NBAS: variants seen among roughly 807,000 people sequenced by gnomAD.
The protein encoded by NBAS is NAG/BC035112 fusion.
In NBAS, 219 loss-of-function variants were observed where a neutral mutation model predicts 302.5. The ratio of observed to expected loss-of-function variants is 0.72; its 90% confidence interval spans 0.65 to 0.81. The LOEUF (loss-of-function observed/expected upper bound fraction) is 0.81, where lower values mean the gene tolerates loss of function less well. Among genes scored for constraint, NBAS ranks in the 30% least tolerant of loss-of-function variants. The pLI is 0.00. For missense variants in NBAS, 2,932 were observed against 2,841.6 expected, an observed-to-expected ratio of 1.03 and a Z score of -0.72; for synonymous variants, 1,118 against 1,021.6, an observed-to-expected ratio of 1.09 and a Z score of -1.80.
At chr2:15,330,539 T>C (rs1672280577) in intron 36 of NBAS, 59 bp downstream of exon 36, 2 of 1,601,124 alleles carry the variant, frequency 1.2e-6, no homozygotes, top group African/African-American at 1.3e-5. Flanking sequence ...ACTGAAACAT[T>C]GCTAATGAAT....
chr2:14,786,497 G>T, the NBAS span, among the ~76,000 whole-genome samples: 1 of 152,026 alleles, frequency 6.6e-6, no homozygotes, highest in Non-Finnish European at 1.5e-5. Flanking sequence ...CTTTGAATGT[G>T]TCCCAGAGAT....
the NBAS span, among the ~76,000 whole-genome samples, chr2:14,921,777 T>C: frequency 5.9e-5 from 9 of 152,160 alleles, no homozygotes; most frequent in African/African-American, 2.2e-4. Context: ...CCAAGCATCA[T>C]AGTTGGCTGA....
the NBAS span, among the ~76,000 whole-genome samples, chr2:14,874,744 A>G: frequency 8.9e-5 from 13 of 146,184 alleles, no homozygotes; most frequent in South Asian, 2.5e-3. Flanking sequence ...GCATAGATGT[A>G]AAAATTCTTA....
chr2:15,338,710 C>CACA (rs1454097551), intron 35 of NBAS, among the ~76,000 whole-genome samples: 1 of 148,746 alleles, frequency 6.7e-6, no homozygotes, highest in African/African-American at 2.5e-5. Flanking sequence ...CACACACACA[C>CACA]ATCAAATTAG....
At chr2:15,151,040 T>A in the NBAS span, among the ~76,000 whole-genome samples, 1 of 152,240 alleles carries the variant, frequency 6.6e-6, no homozygotes, top group Non-Finnish European at 1.5e-5. Context: ...CTTGTCAATA[T>A]CCTCCAATCA....
the NBAS span, among the ~76,000 whole-genome samples, chr2:15,033,528 G>A: frequency 4.0e-3 from 604 of 152,294 alleles, 12 homozygotes; most frequent in Admixed American, 0.036. Flanking sequence ...GGGGTGGAAT[G>A]TTAAGGACTC....
chr2:14,925,823 C>T, the NBAS span, among the ~76,000 whole-genome samples: 8 of 152,160 alleles, frequency 5.3e-5, no homozygotes, highest in African/African-American at 1.7e-4. Flanking sequence ...CTTTGTCATA[C>T]TATAGAAGAA....
At position 15,287,182 on chromosome 2, in the gene NBAS, T is replaced by C. The variant is rs1003975934; in HGVS notation, c.5029A>G (p.Thr1677Ala). ...ATGCTGTAGACGCTTTCCTCTAGAG[T>C]TCTGCAGAAATGTCCATCAAGCCCA... ...KRETILGLAE[T>A]LEESVYSIAI... Residue 1677 changes from threonine to alanine, a missense_variant and splice_region_variant, in exon 42 of 52, where the codon ACT becomes GCT. Thr to Ala is a moderately conservative substitution (Grantham distance 58). Transcript: ENST00000281513. 1 of 1,610,940 alleles carries C rather than the reference T, an allele frequency of 6.2e-7. No individual in the cohort carries two copies. Among genetic ancestry groups the C allele is most frequent in the Non-Finnish European group, 8.5e-7 (1 of 1,177,590 alleles).
chr2:15,366,564 T>C lies in NBAS; in HGVS notation c.3817+16A>G. ...ATAGAAAGCTTATTCTGCAGTTTAG[T>C]ACTCAAAAGACTTACCTGCAACCCT... On this transcript the variant is annotated intron_variant, in intron 32 of 51. Coordinates refer to ENST00000281513, the MANE Select transcript of NBAS (RefSeq NM_015909.4). 1 of 1,595,994 alleles carries C rather than the reference T, an allele frequency of 6.3e-7. No individual in the cohort carries two copies. The highest frequency in any genetic ancestry group is 1.3e-5 in the African/African-American group (1 of 74,596).
intron 31 of NBAS, among the ~76,000 whole-genome samples, chr2:15,367,907 C>A (rs1215423122): frequency 6.6e-6 from 1 of 152,210 alleles, no homozygotes; most frequent in Non-Finnish European, 1.5e-5. Flanking sequence ...TGCGCCTTCA[C>A]ACATGTCCAT....
rs375867940 is a variant in NBAS at position 15,561,173 on chromosome 2, A to G, written c.117+15T>C. The G allele has an allele frequency of 1.7e-5, 27 of 1,610,778 alleles. No individual in the cohort carries two copies. Among genetic ancestry groups the G allele is most frequent in the Non-Finnish European group, 2.0e-5 (23 of 1,178,088 alleles). On this transcript the variant is annotated intron_variant, in intron 1 of 51. Coordinates refer to ENST00000281513, the MANE Select transcript of NBAS (RefSeq NM_015909.4). Reference sequence around the variant, plus strand: ...CGCGCCAAGCTGGCTGCTGCTGTAGATGGGCCTGGTTCACCTGTACTTCAG... The same window carrying G: ...CGCGCCAAGCTGGCTGCTGCTGTAGGTGGGCCTGGTTCACCTGTACTTCAG...
chr2:15,078,726 A>G, the NBAS span, among the ~76,000 whole-genome samples: 4 of 152,182 alleles, frequency 2.6e-5, no homozygotes, highest in African/African-American at 7.2e-5. Context: ...CACTGTAAAA[A>G]AATTTCGACT....
At chr2:15,063,077 T>C in the NBAS span, among the ~76,000 whole-genome samples, 1 of 152,340 alleles carries the variant, frequency 6.6e-6, no homozygotes, top group African/African-American at 2.4e-5. Context: ...GTCTAACCCA[T>C]TGTCAATCCT....
chr2:15,278,836 G>A (rs1669703697), intron 42 of NBAS, among the ~76,000 whole-genome samples: 1 of 152,190 alleles, frequency 6.6e-6, no homozygotes, highest in South Asian at 2.1e-4. Flanking sequence ...AATGATAATG[G>A]AAGGCTTAGT....
At chr2:15,378,496 T>C (rs1256737929) in intron 30 of NBAS, among the ~76,000 whole-genome samples, 3 of 152,172 alleles carry the variant, frequency 2.0e-5, no homozygotes, top group Admixed American at 6.5e-5. Flanking sequence ...AATAAACCCA[T>C]TGCAAGTTGA....
chr2:14,924,718 T>A, the NBAS span, among the ~76,000 whole-genome samples: 2 of 152,188 alleles, frequency 1.3e-5, no homozygotes, highest in Non-Finnish European at 2.9e-5. Flanking sequence ...TTAACTCCAG[T>A]CACGGTGGAG....
intron 41 of NBAS, among the ~76,000 whole-genome samples, chr2:15,291,612 C>A (rs1192641146): frequency 6.6e-6 from 1 of 152,208 alleles, no homozygotes; most frequent in Admixed American, 6.5e-5. Flanking sequence ...TTGAACTGAG[C>A]AACCATCTCA....
chr2:15,457,818 T>C (rs1435633905), intron 21 of NBAS, among the ~76,000 whole-genome samples: 1 of 152,200 alleles, frequency 6.6e-6, no homozygotes, highest in Non-Finnish European at 1.5e-5. Flanking sequence ...TAGAAGTACA[T>C]CTTACTGCTC....
chr2:15,479,091 T>C (rs183563105), intron 12 of NBAS, among the ~76,000 whole-genome samples: 1 of 152,306 alleles, frequency 6.6e-6, no homozygotes, highest in Admixed American at 6.5e-5. Context: ...CTATCAATTT[T>C]TCAATGGCTC....
Sources: gnomAD v4.1 joint callset for allele counts (sites outside exome capture counted in the v4.1 genomes callset) on GRCh38, gnomAD v4.1.1 for gene constraint, MANE v1.5 for transcripts, NCBI Gene and HGNC (gene_info 2026-07-23, HGNC 2026-07-21) for gene names.